The following ZNF253 variants were observed in gnomAD, a reference collection of about 807,000 sequenced individuals.
The protein encoded by ZNF253 is zinc finger protein 253, also known as DNA-binding protein.
Under a neutral mutation model 11.9 loss-of-function variants are expected in ZNF253, and 8 were observed. The observed-to-expected ratio is 0.67, with a 90% CI of 0.40 to 1.22. The LOEUF is 1.22. ZNF253 is among the 50% of genes most tolerant of loss of function. The probability of loss-of-function intolerance (pLI) is 0.01; values close to 1 mark genes in which losing one functional copy is unlikely to be tolerated. For missense variants in ZNF253, 485 were observed against 586.9 expected, an observed-to-expected ratio of 0.83 and a Z score of 1.79; for synonymous variants, 194 against 194.9, an observed-to-expected ratio of 1.00 and a Z score of 0.04.
Position 19,892,669 on chromosome 19 carries a change from T to C in ZNF253, c.1422T>C (p.His474=), listed in dbSNP as rs377662376. The C allele has an allele frequency of 1.2e-5, 20 of 1,612,846 alleles. No individual in the cohort carries two copies. In the South Asian group the frequency reaches 1.9e-4, roughly 15 times the overall value. The part of the protein sequence containing the change: ...SSDLNKHKKI[H]IERKPYIVKN... ...ACCTTAATAAACATAAGAAAATTCA[T>C]ATTGAACGAAAACCCTACATAGTGA... The change falls in exon 4 of 4, where the codon CAT becomes CAC. Residue 474 remains histidine, a synonymous_variant. Coordinates refer to ENST00000589717, the MANE Select transcript of ZNF253 (RefSeq NM_021047.3).
At chr19:19,885,269 T>TGAGATGGAG (rs1568498726) in intron 3 of ZNF253, among the ~76,000 whole-genome samples, 1 of 57,940 alleles carries the variant, frequency 1.7e-5, no homozygotes, top group African/African-American at 2.7e-4. Context: ...CTTTCTTTCT[T>TGAGATGGAG]TCTTTCTTTC....
chr19:19,885,249 TTCTTTC>T (rs1031263578), intron 3 of ZNF253, among the ~76,000 whole-genome samples: 5 of 65,888 alleles, frequency 7.6e-5, no homozygotes, highest in Non-Finnish European at 1.2e-4. Flanking sequence ...CTTTCTTTCT[TTCTTTC>T]TTTCTTTCTT....
chr19:19,878,460 G>A (rs773746571), intron 1 of ZNF253, 21 bp from the exon 2 acceptor site: 2 of 1,355,456 alleles, frequency 1.5e-6, no homozygotes, highest in South Asian at 2.8e-5. Context: ...TAGTAATTAT[G>A]TGTGTGTGTG....
chr19:19,890,264 T>G (rs1339485186), intron 3 of ZNF253, among the ~76,000 whole-genome samples: 3 of 152,180 alleles, frequency 2.0e-5, no homozygotes, highest in African/African-American at 7.2e-5. Context: ...TAATCAGTAA[T>G]CACTTGCTAC....
intron 3 of ZNF253, among the ~76,000 whole-genome samples, chr19:19,889,641 T>C (rs2063220643): frequency 6.7e-6 from 1 of 148,372 alleles, no homozygotes; most frequent in South Asian, 2.1e-4. Context: ...CCACTGTTCC[T>C]GTCCTACTTT....
chr19:19,867,841 T>G (rs10419574), intron 1 of ZNF253, among the ~76,000 whole-genome samples: 16,879 of 152,222 alleles, frequency 0.11, 1,847 homozygotes, highest in African/African-American at 0.28. Flanking sequence ...CCCTTTTCTC[T>G]GCAACCTTGC....
intron 1 of ZNF253, among the ~76,000 whole-genome samples, chr19:19,872,600 T>TTATTATATATATATAA (rs2063139610): frequency 7.4e-6 from 1 of 135,014 alleles, no homozygotes; most frequent in Non-Finnish European, 1.5e-5. Flanking sequence ...TATATATATA[T>TTATTATATATATATAA]AATCAAGTTT....
At chr19:19,879,595 A>G (rs752009992) in intron 2 of ZNF253, among the ~76,000 whole-genome samples, 2 of 152,150 alleles carry the variant, frequency 1.3e-5, no homozygotes, top group Non-Finnish European at 2.9e-5. Context: ...CATTTTCATC[A>G]TGCATCTTAC....
chr19:19,878,783 G>A, intron 2 of ZNF253, 176 bp downstream of exon 2: 1 of 561,402 alleles, frequency 1.8e-6, no homozygotes, highest in African/African-American at 1.9e-5. Context: ...TGACCACAAA[G>A]ATAACCCTGT....
chr19:19,891,823 A>G lies in ZNF253; in HGVS notation c.576A>G (p.Lys192=), dbSNP rs2063231721. The G allele has an allele frequency of 1.2e-6, 2 of 1,614,196 alleles. No individual in the cohort carries two copies. The highest frequency in any genetic ancestry group is 1.7e-6 in the Non-Finnish European group (2 of 1,180,018). Reference sequence around the variant, plus strand: ...CCTCAACCCTTACTACACATAAGAAAATTCATACTGGAGAGAAACCTTACA... The same window carrying G: ...CCTCAACCCTTACTACACATAAGAAGATTCATACTGGAGAGAAACCTTACA... ...KRSSTLTTHK[K]IHTGEKPYRC... The change falls in exon 4 of 4, where the codon AAA becomes AAG. Residue 192 remains lysine (K), a synonymous_variant. Coordinates refer to ENST00000589717, the MANE Select transcript of ZNF253 (RefSeq NM_021047.3).
chr19:19,874,195 C>G (rs968720529), intron 1 of ZNF253, among the ~76,000 whole-genome samples: 1 of 151,980 alleles, frequency 6.6e-6, no homozygotes, highest in African/African-American at 2.4e-5. Flanking sequence ...CAGGCAGGAG[C>G]CACCGCGCCC....
intron 3 of ZNF253, among the ~76,000 whole-genome samples, chr19:19,882,177 G>A (rs1204616934): frequency 7.2e-6 from 1 of 139,266 alleles, no homozygotes; most frequent in Non-Finnish European, 1.5e-5. Context: ...CAACAAGAGC[G>A]AAACTCCGTC....
At chr19:19,874,098 T>G (rs1243440412) in intron 1 of ZNF253, among the ~76,000 whole-genome samples, 1 of 152,026 alleles carries the variant, frequency 6.6e-6, no homozygotes, top group Non-Finnish European at 1.5e-5. Flanking sequence ...TTAGTAGAGA[T>G]AGGGTTTCAC....
At position 19,892,454 on chromosome 19, in the gene ZNF253, A is replaced by C. The variant is rs1162064920; in HGVS notation, c.1207A>C (p.Lys403Gln). ...EKPYKCDECG[K>Q]TFTWPSILSK... is the part of the protein sequence containing the mutation. The stretch of plus-strand genomic sequence containing the variant: ...ACCCTACAAATGTGATGAATGTGGC[A>C]AAACCTTTACCTGGCCCTCAATCCT... Residue 403 changes from lysine (K) to glutamine (Q), a missense_variant, in exon 4 of 4, where the codon AAA (lysine) becomes CAA (glutamine). Coordinates refer to ENST00000589717, the MANE Select transcript of ZNF253 (RefSeq NM_021047.3). The C allele has an allele frequency of 1.9e-6, 3 of 1,614,092 alleles. No homozygotes were observed. Among genetic ancestry groups the C allele is most frequent in the Non-Finnish European group, 2.5e-6 (3 of 1,180,020 alleles).
chr19:19,885,354 CTTCCTTTCT>C lies in ZNF253; in HGVS notation c.226+5211_226+5219del, dbSNP rs1568499310. Among the ~76,000 whole-genome samples the C allele has an allele frequency of 8.3e-3, 440 of 53,078 alleles. 66 individuals are homozygous for C. In the African/African-American group the frequency reaches 0.11, roughly 13 times the overall value. 34.8% of individuals were successfully genotyped at this position (53,078 alleles called of 152,430 possible). On this transcript the variant is annotated intron_variant, in intron 3 of 3. Transcript: ENST00000589717. Reference sequence around the variant, plus strand: ...TCTTTCTTTCTTTCTTTCTTTCTTTCTTCCTTTCTTTTCTTTCTTTTCTTTCTTTTCTTT... The same window carrying C: ...TCTTTCTTTCTTTCTTTCTTTCTTTCTTTCTTTCTTTTCTTTCTTTTCTTT...
intron 3 of ZNF253, among the ~76,000 whole-genome samples, chr19:19,885,224 T>A (rs1370051645): frequency 4.5e-5 from 2 of 44,384 alleles, no homozygotes; most frequent in Non-Finnish European, 7.4e-5. Context: ...GTATTCTTTC[T>A]TTCTTTCTTT....
chr19:19,874,686 T>C (rs10418651), intron 1 of ZNF253, among the ~76,000 whole-genome samples: 65,545 of 151,722 alleles, frequency 0.43, 18,880 homozygotes, highest in African/African-American at 0.81. Context: ...CCGAGGCAGG[T>C]GGATCACGAG....
At chr19:19,883,182 T>C (rs565029612) in intron 3 of ZNF253, among the ~76,000 whole-genome samples, 1 of 152,330 alleles carries the variant, frequency 6.6e-6, no homozygotes, top group South Asian at 2.1e-4. Context: ...TATTTCCTTT[T>C]GTGAGAAAAG....
intron 3 of ZNF253, among the ~76,000 whole-genome samples, chr19:19,882,629 A>G (rs1227044672): frequency 6.6e-6 from 1 of 152,192 alleles, no homozygotes; most frequent in African/African-American, 2.4e-5. Flanking sequence ...TTACAATTTT[A>G]GACAATTTGC....
Sources: gnomAD v4.1 joint callset for allele counts (sites outside exome capture counted in the v4.1 genomes callset) on GRCh38, gnomAD v4.1.1 for gene constraint, MANE v1.5 for transcripts, NCBI Gene and HGNC (gene_info 2026-07-23, HGNC 2026-07-21) for gene names.